PDE12: variants seen among roughly 807,000 people sequenced by gnomAD.
PDE12 encodes the protein 2',5'-phosphodiesterase 12.
PDE12 carries 26 observed loss-of-function variants against 45.4 expected under a neutral mutation model. That is an observed-to-expected ratio of 0.57 (90% CI 0.42 to 0.79). The LOEUF (loss-of-function observed/expected upper bound fraction) is 0.79, where lower values mean the gene tolerates loss of function less well. Ranked by LOEUF, PDE12 falls within the 30% of genes least tolerant of loss-of-function variation. The pLI, the probability that PDE12 is intolerant of heterozygous loss-of-function variation, is 0.00. For synonymous variants in PDE12, 283 were observed against 323.9 expected (o/e 0.87, Z 1.36); for missense variants, 668 against 790.0 (o/e 0.85, Z 1.85).
the PDE12 span, chr3:57,575,717 C>T: frequency 6.4e-7 from 1 of 1,558,594 alleles, no homozygotes; most frequent in Non-Finnish European, 8.7e-7. Context: ...AACCGGAATC[C>T]AATTTTTGAA....
At chr3:57,631,716 C>CTTTT in the PDE12 span, among the ~76,000 whole-genome samples, 116 of 91,990 alleles carry the variant, frequency 1.3e-3, no homozygotes, top group African/African-American at 1.6e-3. Context: ...TCTCTGCTCT[C>CTTTT]TTTTTTTTTT....
Position 57,561,410 on chromosome 3 carries a change from AGT to A in PDE12, c.*1411_*1412del. 1.0e-6 allele frequency: 1 copy of A among 974,308 alleles called. No individual in the cohort carries two copies. The highest frequency in any genetic ancestry group is 1.2e-6 in the Non-Finnish European group (1 of 819,466). The allele number at this position is 974,308 out of a possible 1,614,324, so 60.4% of individuals were successfully genotyped here. A position where few individuals can be genotyped will look rare whatever the true frequency, so the allele number is the denominator to read the frequency against. On this transcript the variant is annotated 3_prime_UTR_variant, in exon 3 of 3. Coordinates refer to ENST00000311180, the MANE Select transcript of PDE12 (RefSeq NM_177966.7). Reference sequence around the variant, plus strand: ...CATTATAGTTTGAGTTACAGACAACAGTGTGTATATATGTAATATATATATAG... The same window carrying A: ...CATTATAGTTTGAGTTACAGACAACAGTGTATATATGTAATATATATATAG...
At chr3:57,570,694 G>A (rs1193482502), downstream of PDE12, among the ~76,000 whole-genome samples, 1 of 152,080 alleles carries the variant, frequency 6.6e-6, no homozygotes, top group Non-Finnish European at 1.5e-5. Context: ...AAACTTAATA[G>A]ATGTAGTTTA....
the PDE12 span, chr3:57,596,933 C>CT: frequency 1.2e-6 from 1 of 848,816 alleles, no homozygotes; most frequent in Non-Finnish European, 1.8e-6. Context: ...ATTGTTCCCC[C>CT]TTAAGAATTC....
chr3:57,632,842 T>C, the PDE12 span, among the ~76,000 whole-genome samples: 1 of 152,228 alleles, frequency 6.6e-6, no homozygotes, highest in Non-Finnish European at 1.5e-5. Flanking sequence ...ATATAGTCCC[T>C]GTTATCATAG....
the PDE12 span, among the ~76,000 whole-genome samples, chr3:57,607,846 AGC>A: frequency 2.0e-5 from 3 of 152,200 alleles, no homozygotes; most frequent in Non-Finnish European, 4.4e-5. Context: ...TCCCCAACCT[AGC>A]AAGGCAGGCC....
chr3:57,560,412 G>A lies in PDE12; in HGVS notation c.*408G>A, dbSNP rs571834364. On this transcript the variant is annotated 3_prime_UTR_variant, in exon 3 of 3. Coordinates refer to ENST00000311180, the MANE Select transcript of PDE12 (RefSeq NM_177966.7). Reference sequence around the variant, plus strand: ...ACAATCTCGGCTCACTGCAACCTCCGCCCCCTGGGTTTAAGCGATTCTCCT... The same window carrying A: ...ACAATCTCGGCTCACTGCAACCTCCACCCCCTGGGTTTAAGCGATTCTCCT... 1.3e-5 allele frequency: 8 copies of A among 622,200 alleles called. No individual in the cohort carries two copies. The East Asian group carries it at 3.8e-4, about 30-fold the overall frequency. 38.5% of individuals were successfully genotyped at this position (622,200 alleles called of 1,614,324 possible).
intron 1 of PDE12, 74 bp from the exon 2 acceptor site, chr3:57,559,235 AC>A (rs1451376465): frequency 3.3e-6 from 4 of 1,224,556 alleles, no homozygotes; most frequent in African/African-American, 1.5e-5. Context: ...ACTCAAAAAA[AC>A]AAACAAACAA....
At chr3:57,559,219 GAAAAAACTCA>G in intron 1 of PDE12, 81 bp from the exon 2 acceptor site, 1 of 1,124,642 alleles carries the variant, frequency 8.9e-7, no homozygotes, top group Non-Finnish European at 1.3e-6. Flanking sequence ...AGACTGTCTC[GAAAAAACTCA>G]AAAAAACAAA....
At chr3:57,577,016 A>G in the PDE12 span, among the ~76,000 whole-genome samples, 3 of 151,920 alleles carry the variant, frequency 2.0e-5, no homozygotes, top group Non-Finnish European at 4.4e-5. Flanking sequence ...AGATATCCTC[A>G]GCCAGAGATA....
chr3:57,638,690 T>A, the PDE12 span, among the ~76,000 whole-genome samples: 5 of 150,972 alleles, frequency 3.3e-5, no homozygotes, highest in Non-Finnish European at 7.4e-5. Context: ...AATAAATAAA[T>A]AAAATGGCCA....
the PDE12 span, among the ~76,000 whole-genome samples, chr3:57,622,736 A>C: frequency 2.0e-5 from 3 of 152,238 alleles, no homozygotes; most frequent in East Asian, 5.8e-4. Flanking sequence ...ATATAACAAA[A>C]TACTACTTAC....
the PDE12 span, among the ~76,000 whole-genome samples, chr3:57,605,463 G>C: frequency 6.6e-6 from 1 of 152,172 alleles, no homozygotes; most frequent in South Asian, 2.1e-4. Flanking sequence ...CATAACCTGT[G>C]GGACAGTGGG....
At chr3:57,581,595 G>A in the PDE12 span, among the ~76,000 whole-genome samples, 1 of 152,206 alleles carries the variant, frequency 6.6e-6, no homozygotes, top group Non-Finnish European at 1.5e-5. Flanking sequence ...GAGGTCAGGA[G>A]ATCGAGACCA....
At chr3:57,590,039 G>A in the PDE12 span, among the ~76,000 whole-genome samples, 19 of 146,674 alleles carry the variant, frequency 1.3e-4, no homozygotes, top group African/African-American at 4.3e-4. Context: ...GCAGTGAGTC[G>A]AGATCATGCC....
At position 57,565,104 on chromosome 3, in the gene PDE12, A is replaced by C. The variant is rs1310747877; in HGVS notation, c.*5100A>C. On this transcript the variant is annotated 3_prime_UTR_variant, in exon 3 of 3. Transcript: ENST00000311180. Reference sequence around the variant, plus strand: ...AGGGCTTAAGCGATCCTCCCACCTCAGCCTCCTGAGTAGCTGGGACTATAG... The same window carrying C: ...AGGGCTTAAGCGATCCTCCCACCTCCGCCTCCTGAGTAGCTGGGACTATAG... The C allele has an allele frequency of 6.6e-6, 1 of 151,916 alleles. No homozygotes were observed. The highest frequency in any genetic ancestry group is 1.5e-5 in the Non-Finnish European group (1 of 68,102). 9.4% of individuals were successfully genotyped at this position (151,916 alleles called of 1,614,324 possible).
chr3:57,612,306 G>C, the PDE12 span, among the ~76,000 whole-genome samples: 253 of 151,092 alleles, frequency 1.7e-3, no homozygotes, highest in African/African-American at 6.0e-3. Context: ...CAAGTTAATT[G>C]GTGCAGCACA....
chr3:57,588,025 C>T, the PDE12 span, among the ~76,000 whole-genome samples: 2 of 152,164 alleles, frequency 1.3e-5, no homozygotes, highest in East Asian at 3.8e-4. Flanking sequence ...TTTTGAGCCA[C>T]TTCAGTCATT....
In PDE12 at chr3:57,565,635, C is replaced by G. The variant is rs1415083738; in HGVS notation, c.*5631C>G. 1 of 152,096 alleles carries G rather than the reference C, an allele frequency of 6.6e-6. No individual in the cohort carries two copies. The highest frequency in any genetic ancestry group is 6.6e-5 in the Admixed American group (1 of 15,262). 9.4% of individuals were successfully genotyped at this position (152,096 alleles called of 1,614,324 possible). A position where few individuals can be genotyped will look rare whatever the true frequency, so the allele number is the denominator to read the frequency against. On this transcript the variant is annotated 3_prime_UTR_variant, in exon 3 of 3. Transcript: ENST00000311180. ...TGGCCAACATGGTGAAACCCTGTCTCTACTAAAAATACAAAAATTAGCTGG... is the reference window on the plus strand; with the variant it reads ...TGGCCAACATGGTGAAACCCTGTCTGTACTAAAAATACAAAAATTAGCTGG...
Sources: allele counts gnomAD v4.1 joint callset (sites outside exome capture counted in the v4.1 genomes callset), GRCh38; gene constraint gnomAD v4.1.1; transcripts MANE v1.5; gene names NCBI Gene and HGNC (gene_info 2026-07-23, HGNC 2026-07-21).